PHF11: variants seen among roughly 807,000 people sequenced by gnomAD.
The protein encoded by PHF11 is BRCA1 C-terminus-associated protein.
In PHF11, 38 loss-of-function variants were observed where a neutral mutation model predicts 40.5. That is an observed-to-expected ratio of 0.94 (90% CI 0.72 to 1.23). The LOEUF is 1.23. PHF11 is among the 50% of genes most tolerant of loss of function. The pLI is 0.00. For synonymous variants in PHF11, 127 were observed against 138.2 expected, an observed-to-expected ratio of 0.92 and a Z score of 0.57; for missense variants, 369 against 392.4, an observed-to-expected ratio of 0.94 and a Z score of 0.50.
At chr13:49,505,237 T>G (rs965098469) in intron 1 of PHF11, among the ~76,000 whole-genome samples, 1 of 151,910 alleles carries the variant, frequency 6.6e-6, no homozygotes, top group Non-Finnish European at 1.5e-5. Context: ...GTTTTCACTC[T>G]ATCTTACCCT....
At chr13:49,526,531 G>A (rs6561533) in intron 9 of PHF11, 73 bp downstream of exon 9, 428,799 of 842,288 alleles carry the variant, frequency 0.51, 111,169 homozygotes, top group Non-Finnish European at 0.55. Context: ...ACAATATACT[G>A]TACAGGTGAT....
chr13:49,502,649 C>G (rs982326649), intron 1 of PHF11, among the ~76,000 whole-genome samples: 2 of 152,220 alleles, frequency 1.3e-5, no homozygotes, highest in Non-Finnish European at 2.9e-5. Flanking sequence ...ATCCACTTCT[C>G]TCTGCATTTC....
At chr13:49,510,622 T>C (rs1245577067) in intron 2 of PHF11, among the ~76,000 whole-genome samples, 3 of 152,100 alleles carry the variant, frequency 2.0e-5, no homozygotes, top group African/African-American at 7.2e-5. Flanking sequence ...CGTACCACCA[T>C]ACCCAGCTAA....
chr13:49,505,763 A>G (rs991256382), intron 1 of PHF11, among the ~76,000 whole-genome samples: 1 of 151,144 alleles, frequency 6.6e-6, no homozygotes, highest in African/African-American at 2.4e-5. Flanking sequence ...CTTCCCTTAG[A>G]TTTCTTTCCT....
intron 2 of PHF11, among the ~76,000 whole-genome samples, chr13:49,510,704 C>G (rs1156494515): frequency 6.6e-6 from 1 of 152,186 alleles, no homozygotes; most frequent in Non-Finnish European, 1.5e-5. Context: ...CTCCTGGCCT[C>G]AAGTGATTCT....
intron 2 of PHF11, among the ~76,000 whole-genome samples, chr13:49,512,243 G>C (rs1440485670): frequency 6.6e-6 from 1 of 152,086 alleles, no homozygotes; most frequent in Non-Finnish European, 1.5e-5. Context: ...TCTTATTATT[G>C]AGTTGTAAGT....
At chr13:49,521,266 A>C in intron 5 of PHF11, 3 of 1,022,178 alleles carry the variant, frequency 2.9e-6, no homozygotes, top group Non-Finnish European at 3.5e-6. Context: ...CAGTAGATAA[A>C]ATTTTAAAAG....
At chr13:49,523,277 T>G in intron 7 of PHF11, 36 bp downstream of exon 7, 9 of 1,362,896 alleles carry the variant, frequency 6.6e-6, no homozygotes, top group Non-Finnish European at 8.4e-6. Flanking sequence ...AAATATGGCC[T>G]ACAATACTTA....
intron 3 of PHF11, among the ~76,000 whole-genome samples, chr13:49,517,177 T>G (rs1327170219): frequency 6.6e-6 from 1 of 152,206 alleles, no homozygotes; most frequent in African/African-American, 2.4e-5. Flanking sequence ...ATCATAACCT[T>G]ATTTCTTGCC....
chr13:49,512,874 C>A (rs1312180582), intron 2 of PHF11, among the ~76,000 whole-genome samples, 185 bp from the exon 3 acceptor site: 1 of 152,162 alleles, frequency 6.6e-6, no homozygotes, highest in Admixed American at 6.5e-5. Context: ...TGCCCGGAAA[C>A]CAGGGTCATT....
intron 2 of PHF11, among the ~76,000 whole-genome samples, chr13:49,512,112 T>C (rs529467761): frequency 6.6e-6 from 1 of 152,374 alleles, no homozygotes; most frequent in South Asian, 2.1e-4. Flanking sequence ...CATCTCACTA[T>C]GGCTTTAATA....
At chr13:49,520,528 G>A (rs958717853) in intron 4 of PHF11, among the ~76,000 whole-genome samples, 1 of 152,158 alleles carries the variant, frequency 6.6e-6, no homozygotes. Flanking sequence ...AAAACCAGCA[G>A]AATCTTGTAC....
In PHF11 at chr13:49,528,835, T is replaced by G; in HGVS notation, c.*170T>G. 1.8e-6 allele frequency: 1 copy of G among 541,904 alleles called. No homozygotes were observed. The highest frequency in any genetic ancestry group is 3.2e-6 in the Non-Finnish European group (1 of 308,872). The allele number at this position is 541,904 out of a possible 1,614,324, so 33.6% of individuals were successfully genotyped here. A position where few individuals can be genotyped will look rare whatever the true frequency, so the allele number is the denominator to read the frequency against. ...TTTGATCACTCTTTGCACACTCTTG[T>G]GTTTTTTGCTCACTGTCACATTCCC... is the stretch of plus-strand genomic sequence containing the variant. On this transcript the variant is annotated 3_prime_UTR_variant, in exon 10 of 10. Coordinates refer to ENST00000378319, the MANE Select transcript of PHF11 (RefSeq NM_001040443.3).
intron 8 of PHF11, chr13:49,525,719 A>G: frequency 2.3e-6 from 1 of 429,580 alleles, no homozygotes; most frequent in Non-Finnish European, 4.6e-6. Context: ...AATAAATAGT[A>G]AGCATTTCCA....
chr13:49,521,853 T>G, intron 5 of PHF11, 190 bp from the exon 6 acceptor site: 1 of 366,762 alleles, frequency 2.7e-6, no homozygotes, highest in Non-Finnish European at 5.1e-6. Flanking sequence ...ATTTACCTGT[T>G]TTGCATTAAA....
chr13:49,515,997 G>A (rs980386128), intron 3 of PHF11, among the ~76,000 whole-genome samples: 7 of 152,142 alleles, frequency 4.6e-5, no homozygotes, highest in African/African-American at 1.7e-4. Flanking sequence ...TGCCAATGGG[G>A]AAGCTCATTC....
At chr13:49,501,155 A>G (rs1473684472) in intron 1 of PHF11, among the ~76,000 whole-genome samples, 1 of 151,958 alleles carries the variant, frequency 6.6e-6, no homozygotes, top group Non-Finnish European at 1.5e-5. Flanking sequence ...CGGGGATTAC[A>G]GGCATGCACC....
chr13:49,513,986 A>G (rs1014369005), intron 3 of PHF11, among the ~76,000 whole-genome samples: 1 of 152,172 alleles, frequency 6.6e-6, no homozygotes, highest in Non-Finnish European at 1.5e-5. Context: ...CCCTTCTGAA[A>G]GTTTCATTAG....
intron 4 of PHF11, among the ~76,000 whole-genome samples, chr13:49,519,062 C>G (rs59906186): frequency 0.024 from 3,717 of 152,034 alleles, 152 homozygotes; most frequent in African/African-American, 0.083. Context: ...GTCTCAATCT[C>G]CTGACCTCGT....
Sources: allele counts gnomAD v4.1 joint callset (sites outside exome capture counted in the v4.1 genomes callset), GRCh38; gene constraint gnomAD v4.1.1; transcripts MANE v1.5; gene names NCBI Gene and HGNC (gene_info 2026-07-23, HGNC 2026-07-21).